WWOX: variants seen among roughly 807,000 people sequenced by gnomAD.
WWOX encodes the protein WW domain containing oxidoreductase.
In WWOX, 69 loss-of-function variants were observed where a neutral mutation model predicts 46.2. The observed-to-expected ratio is 1.49, with a 90% confidence interval of 1.23 to 1.82. The LOEUF (loss-of-function observed/expected upper bound fraction) is 1.82. Among genes scored for constraint, WWOX ranks in the 40% most tolerant of loss-of-function variants. WWOX has a pLI of 0.00. For synonymous variants in WWOX, 359 were observed against 202.6 expected, an observed-to-expected ratio of 1.77 and a Z score of -6.56; for missense variants, 919 against 542.6, an observed-to-expected ratio of 1.69 and a Z score of -6.89.
intron 5 of WWOX, among the ~76,000 whole-genome samples, chr16:78,281,619 TA>T (rs2079679922): frequency 6.6e-6 from 1 of 152,144 alleles, no homozygotes; most frequent in South Asian, 2.1e-4. Context: ...AAAACAGGCA[TA>T]AACGACATGT....
At chr16:78,372,626 G>A (rs11639904) in intron 5 of WWOX, among the ~76,000 whole-genome samples, 74,360 of 152,038 alleles carry the variant, frequency 0.49, 20,347 homozygotes, top group Non-Finnish European at 0.63. Context: ...CTCCTTAGGG[G>A]AATTAGCAGC....
intron 8 of WWOX, among the ~76,000 whole-genome samples, chr16:79,162,303 A>G (rs1247813190): frequency 6.6e-6 from 1 of 152,168 alleles, no homozygotes; most frequent in East Asian, 1.9e-4. Flanking sequence ...GGCGGAATTT[A>G]CTTCTTCAAA....
intron 8 of WWOX, among the ~76,000 whole-genome samples, chr16:79,044,832 T>C (rs916719384): frequency 1.3e-5 from 2 of 152,162 alleles, no homozygotes; most frequent in African/African-American, 4.8e-5. Flanking sequence ...GCGCTGCCAC[T>C]TAACAGCTCT....
intron 8 of WWOX, among the ~76,000 whole-genome samples, chr16:78,872,191 G>C (rs28731468): frequency 5.3e-5 from 8 of 152,144 alleles, no homozygotes; most frequent in African/African-American, 1.9e-4. Flanking sequence ...GCAACCCATA[G>C]AACCAGGCTG....
At chr16:78,731,405 T>G (rs903539394) in intron 8 of WWOX, among the ~76,000 whole-genome samples, 3 of 152,182 alleles carry the variant, frequency 2.0e-5, no homozygotes, top group Non-Finnish European at 4.4e-5. Flanking sequence ...CTACGGCTCC[T>G]TGGGAAATCT....
At chr16:78,464,544 G>C (rs544011889) in intron 8 of WWOX, among the ~76,000 whole-genome samples, 3 of 152,074 alleles carry the variant, frequency 2.0e-5, no homozygotes, top group Non-Finnish European at 4.4e-5. Flanking sequence ...TCTTCATGAC[G>C]ATCCTTCAAG....
At chr16:78,519,450 C>T (rs535384231) in intron 8 of WWOX, among the ~76,000 whole-genome samples, 1 of 151,812 alleles carries the variant, frequency 6.6e-6, no homozygotes, top group East Asian at 1.9e-4. Flanking sequence ...TAATGTGTTT[C>T]CTTCTAATTT....
At chr16:78,265,473 G>A (rs552702235) in intron 5 of WWOX, among the ~76,000 whole-genome samples, 1 of 151,960 alleles carries the variant, frequency 6.6e-6, no homozygotes, top group Non-Finnish European at 1.5e-5. Context: ...GAGGTCAGGA[G>A]TTCGAGACCA....
chr16:78,110,708 A>G (rs1038097341), intron 3 of WWOX, among the ~76,000 whole-genome samples: 4 of 152,166 alleles, frequency 2.6e-5, no homozygotes, highest in South Asian at 2.1e-4. Flanking sequence ...ATCATCTTGT[A>G]TCTGTAGCAT....
At chr16:78,317,542 G>GAA (rs1179376110) in intron 5 of WWOX, among the ~76,000 whole-genome samples, 1 of 152,196 alleles carries the variant, frequency 6.6e-6, no homozygotes, top group East Asian at 1.9e-4. Flanking sequence ...TAATGGCAGA[G>GAA]AAAAGTACCT....
At chr16:78,791,491 T>A (rs2050598727) in intron 8 of WWOX, among the ~76,000 whole-genome samples, 1 of 152,124 alleles carries the variant, frequency 6.6e-6, no homozygotes, top group Non-Finnish European at 1.5e-5. Flanking sequence ...CTTTGCCCTG[T>A]CGTGGTCTTG....
chr16:78,367,769 T>G (rs1419053974), intron 5 of WWOX, among the ~76,000 whole-genome samples: 1 of 151,986 alleles, frequency 6.6e-6, no homozygotes, highest in Non-Finnish European at 1.5e-5. Flanking sequence ...TTTTTTCTTT[T>G]TGTTTCGAGA....
chr16:78,739,841 C>T (rs534063843), intron 8 of WWOX, among the ~76,000 whole-genome samples: 1 of 152,044 alleles, frequency 6.6e-6, no homozygotes, highest in Non-Finnish European at 1.5e-5. Context: ...AACAAAAACC[C>T]CAGATATTCC....
chr16:78,270,879 G>A (rs770852274), intron 5 of WWOX, among the ~76,000 whole-genome samples: 1 of 152,132 alleles, frequency 6.6e-6, no homozygotes, highest in Non-Finnish European at 1.5e-5. Context: ...TACGTGGCCC[G>A]AAGATGAAGG....
At chr16:78,775,833 G>C (rs1311762065) in intron 8 of WWOX, among the ~76,000 whole-genome samples, 1 of 152,186 alleles carries the variant, frequency 6.6e-6, no homozygotes, top group Non-Finnish European at 1.5e-5. Flanking sequence ...ATGAGTGAAT[G>C]TGATCCTCCG....
chr16:78,581,805 C>T lies in WWOX; in HGVS notation c.1056+149053C>T, dbSNP rs180753077. On this transcript the variant is annotated intron_variant, in intron 8 of 8. Coordinates refer to ENST00000566780, the MANE Select transcript of WWOX (RefSeq NM_016373.4). ...ACTTAATACAAAAGTTTTCCCCATA[C>T]CAACTAGTAGTGTAAGTTGATTTCA... 2.8e-4 allele frequency among the ~76,000 whole-genome samples: 42 copies of T among 152,276 alleles called. 1 individual carries two copies. In the East Asian group the frequency reaches 8.1e-3, roughly 29 times the overall value.
intron 8 of WWOX, among the ~76,000 whole-genome samples, chr16:78,537,039 C>G (rs920189616): frequency 1.3e-5 from 2 of 151,974 alleles, no homozygotes; most frequent in Non-Finnish European, 2.9e-5. Flanking sequence ...GCCTCAACGT[C>G]CTGAGAAGCT....
intron 8 of WWOX, among the ~76,000 whole-genome samples, chr16:79,074,245 T>G (rs57059502): frequency 6.6e-6 from 1 of 151,784 alleles, no homozygotes; most frequent in Non-Finnish European, 1.5e-5. Context: ...TTAAAAAATA[T>G]AATAAATCAT....
chr16:78,760,090 G>C (rs976940393), intron 8 of WWOX, among the ~76,000 whole-genome samples: 1 of 152,148 alleles, frequency 6.6e-6, no homozygotes, highest in Non-Finnish European at 1.5e-5. Flanking sequence ...TCAACAAAAA[G>C]AGATTTGATG....
Sources: allele counts gnomAD v4.1 joint callset (sites outside exome capture counted in the v4.1 genomes callset), GRCh38; gene constraint gnomAD v4.1.1; transcripts MANE v1.5; gene names NCBI Gene and HGNC (gene_info 2026-07-23, HGNC 2026-07-21).